TENM3: variants seen among roughly 807,000 people sequenced by gnomAD.
TENM3 encodes teneurin transmembrane protein 3.
TENM3 carries 63 observed loss-of-function variants against 255.1 expected under a neutral mutation model. The observed-to-expected ratio is 0.25, with a 90% CI of 0.20 to 0.30. The LOEUF is 0.30. TENM3 is among the 10% of genes least tolerant of loss of function. TENM3 has a pLI of 1.00. For synonymous variants in TENM3, 1,306 were observed against 1,322.3 expected, an observed-to-expected ratio of 0.99 and a Z score of 0.27; for missense variants, 2,929 against 3,461.1, an observed-to-expected ratio of 0.85 and a Z score of 3.86.
chr4:181,626,516 C>A, the TENM3 span, among the ~76,000 whole-genome samples: 2 of 151,862 alleles, frequency 1.3e-5, no homozygotes, highest in Admixed American at 6.6e-5. Flanking sequence ...ACAATCATGG[C>A]GGAAGGGGAA....
intron 1 of TENM3, among the ~76,000 whole-genome samples, chr4:182,276,168 G>A (rs1270592626): frequency 6.6e-6 from 1 of 152,078 alleles, no homozygotes; most frequent in East Asian, 1.9e-4. Context: ...GAGGGTCTTT[G>A]GTGTGATCCT....
the TENM3 span, among the ~76,000 whole-genome samples, chr4:181,526,102 G>A: frequency 6.6e-6 from 1 of 152,120 alleles, no homozygotes; most frequent in African/African-American, 2.4e-5. Context: ...AACAGACATT[G>A]GAGTATGGAA....
At chr4:182,489,575 A>C (rs2151572847) in intron 3 of TENM3, among the ~76,000 whole-genome samples, 1 of 152,286 alleles carries the variant, frequency 6.6e-6, no homozygotes, top group Non-Finnish European at 1.5e-5. Flanking sequence ...TGAGTTATAA[A>C]AACACCATAC....
At chr4:181,876,050 T>C in the TENM3 span, among the ~76,000 whole-genome samples, 1 of 152,242 alleles carries the variant, frequency 6.6e-6, no homozygotes, top group African/African-American at 2.4e-5. Flanking sequence ...TTTCTGGCCA[T>C]GGAGTCCATG....
chr4:182,503,983 ACTAT>A (rs1736569379), intron 3 of TENM3, among the ~76,000 whole-genome samples: 1 of 151,654 alleles, frequency 6.6e-6, no homozygotes, highest in Non-Finnish European at 1.5e-5. Flanking sequence ...AACACTTCAT[ACTAT>A]CTGACATATT....
chr4:181,854,937 A>AT, the TENM3 span, among the ~76,000 whole-genome samples: 8 of 151,606 alleles, frequency 5.3e-5, no homozygotes, highest in South Asian at 2.1e-4. Flanking sequence ...GCAAGAATGG[A>AT]TTTTTTTTTA....
chr4:182,316,144 T>C (rs1208443835), intron 1 of TENM3, among the ~76,000 whole-genome samples: 1 of 152,230 alleles, frequency 6.6e-6, no homozygotes, highest in Non-Finnish European at 1.5e-5. Flanking sequence ...GTGGATTTTA[T>C]CTTGTTGAAT....
chr4:181,497,146 A>C, the TENM3 span, among the ~76,000 whole-genome samples: 1 of 152,196 alleles, frequency 6.6e-6, no homozygotes, highest in Admixed American at 6.5e-5. Context: ...TCCCATAGAT[A>C]GACATATGCA....
At chr4:181,530,224 G>A in the TENM3 span, among the ~76,000 whole-genome samples, 1 of 152,180 alleles carries the variant, frequency 6.6e-6, no homozygotes, top group Non-Finnish European at 1.5e-5. Flanking sequence ...ATGCTTAAAA[G>A]CCCTACATAC....
chr4:181,665,533 GTA>G, the TENM3 span, among the ~76,000 whole-genome samples: 9 of 152,068 alleles, frequency 5.9e-5, no homozygotes, highest in Admixed American at 4.6e-4. Context: ...GTGCGTGTGT[GTA>G]TACGTATATA....
chr4:181,599,205 A>G, the TENM3 span, among the ~76,000 whole-genome samples: 1 of 152,210 alleles, frequency 6.6e-6, no homozygotes, highest in East Asian at 1.9e-4. Context: ...GAGCTACCTT[A>G]TTCAAGGACC....
At chr4:181,635,994 C>T in the TENM3 span, among the ~76,000 whole-genome samples, 2 of 152,046 alleles carry the variant, frequency 1.3e-5, no homozygotes, top group Non-Finnish European at 2.9e-5. Flanking sequence ...CATAAACATA[C>T]ATGTATATAT....
At chr4:181,781,649 C>A in the TENM3 span, among the ~76,000 whole-genome samples, 2 of 152,128 alleles carry the variant, frequency 1.3e-5, no homozygotes, top group Non-Finnish European at 2.9e-5. Context: ...GAACTTCCAA[C>A]GCTATGTTGA....
At chr4:181,894,420 G>A in the TENM3 span, among the ~76,000 whole-genome samples, 1 of 152,210 alleles carries the variant, frequency 6.6e-6, no homozygotes. Context: ...CAGGCCTGGC[G>A]TGACTGGCTT....
chr4:181,908,847 C>A, the TENM3 span, among the ~76,000 whole-genome samples: 1 of 152,158 alleles, frequency 6.6e-6, no homozygotes. Flanking sequence ...AAATATACCT[C>A]AAAGACAGAG....
the TENM3 span, among the ~76,000 whole-genome samples, chr4:181,609,055 T>G: frequency 6.6e-6 from 1 of 151,884 alleles, no homozygotes; most frequent in African/African-American, 2.4e-5. Flanking sequence ...CTGCTTTTTG[T>G]GCAAACCTTT....
chr4:181,911,067 A>G, the TENM3 span, among the ~76,000 whole-genome samples: 1 of 152,280 alleles, frequency 6.6e-6, no homozygotes, highest in African/African-American at 2.4e-5. Flanking sequence ...TATTTTATTT[A>G]AAAACGTTAT....
chr4:182,594,683 GGTGTGTGTGTGT>G lies in TENM3; in HGVS notation c.512-6204_512-6193del, dbSNP rs67667219. On this transcript the variant is annotated intron_variant, in intron 3 of 27. Transcript: ENST00000511685. ...TTATTTCTTCCCTGTTTTTTGTTTT[GGTGTGTGTGTGT>G]GTGTGTGTGTGTGTGTGTGTGTGTG... 6.6e-3 allele frequency among the ~76,000 whole-genome samples: 906 copies of G among 138,040 alleles called. 4 individuals carry two copies. Among genetic ancestry groups the G allele is most frequent in the South Asian group, 0.011 (43 of 4,092 alleles). The allele number at this position is 138,040 out of a possible 152,430, so 90.6% of individuals were successfully genotyped here. A position where few individuals can be genotyped will look rare whatever the true frequency, so the allele number is the denominator to read the frequency against.
the TENM3 span, among the ~76,000 whole-genome samples, chr4:181,957,662 C>T: frequency 6.6e-6 from 1 of 152,132 alleles, no homozygotes; most frequent in Admixed American, 6.5e-5. Flanking sequence ...CCTGAACATC[C>T]TAACAATTCA....
Sources: allele counts gnomAD v4.1 joint callset (sites outside exome capture counted in the v4.1 genomes callset), GRCh38; gene constraint gnomAD v4.1.1; transcripts MANE v1.5; gene names NCBI Gene and HGNC (gene_info 2026-07-23, HGNC 2026-07-21).